LRRC31: variants seen among roughly 807,000 people sequenced by gnomAD.
LRRC31 encodes the protein leucine-rich repeat-containing protein 31.
A neutral mutation model predicts 46.7 loss-of-function variants in LRRC31; 35 were observed. That is an observed-to-expected ratio of 0.75 (90% CI 0.57 to 0.99). LRRC31 has a LOEUF of 0.99. Among genes scored for constraint, LRRC31 ranks in the 50% least tolerant of loss-of-function variants. The pLI, the probability that LRRC31 is intolerant of heterozygous loss-of-function variation, is 0.00. For missense variants in LRRC31, 613 were observed against 626.1 expected, an observed-to-expected ratio of 0.98 and a Z score of 0.22; for synonymous variants, 236 against 235.1, an observed-to-expected ratio of 1.00 and a Z score of -0.03.
At chr3:169,848,324 G>T in intron 7 of LRRC31, 37 bp from the exon 8 acceptor site, 1 of 1,592,432 alleles carries the variant, frequency 6.3e-7, no homozygotes, top group Non-Finnish European at 8.6e-7. Flanking sequence ...AGTAATTTAG[G>T]ATTTCTTACA....
intron 1 of LRRC31, among the ~76,000 whole-genome samples, chr3:169,868,757 T>C (rs1781405291): frequency 6.6e-6 from 1 of 152,212 alleles, no homozygotes; most frequent in African/African-American, 2.4e-5. Context: ...ATTTAAAGCA[T>C]GTAAGTAACA....
At chr3:169,860,440 C>A (rs999050164) in intron 3 of LRRC31, 121 bp downstream of exon 3, 40 of 988,722 alleles carry the variant, frequency 4.0e-5, no homozygotes, top group Non-Finnish European at 5.1e-5. Flanking sequence ...GTTGCCCAGG[C>A]TGTTCTCGAA....
rs753523596 is a variant in LRRC31, at chr3:169,860,528, G to A, written c.487+33C>T. On this transcript the variant is annotated intron_variant, in intron 3 of 8. Transcript: ENST00000316428. ...CAGCTGTGAGCCACGGCGCCCGGCC[G>A]AATCCATCTTTTAAGAAATGCATTC... The A allele has an allele frequency of 2.5e-6, 4 of 1,611,418 alleles. No individual in the cohort carries two copies. The South Asian group carries it at 4.4e-5, about 18-fold the overall frequency.
intron 6 of LRRC31, 122 bp downstream of exon 6, chr3:169,854,691 G>T (rs188870563): frequency 5.2e-4 from 398 of 759,462 alleles, no homozygotes; most frequent in Admixed American, 1.4e-3. Context: ...GAACTGTTAT[G>T]AATTGATCTT....
chr3:169,844,177 C>G (rs1307259494), intron 8 of LRRC31, among the ~76,000 whole-genome samples: 2 of 152,078 alleles, frequency 1.3e-5, no homozygotes, highest in Admixed American at 6.6e-5. Context: ...ACTATTATCC[C>G]CTTGTGAACA....
At chr3:169,863,541 A>G (rs1781237486) in intron 1 of LRRC31, among the ~76,000 whole-genome samples, 3 of 152,216 alleles carry the variant, frequency 2.0e-5, no homozygotes, top group Admixed American at 1.3e-4. Flanking sequence ...GTTTGGTCTA[A>G]GAAAACCACA....
intron 6 of LRRC31, among the ~76,000 whole-genome samples, chr3:169,853,002 A>C (rs1323576752): frequency 6.6e-6 from 1 of 152,236 alleles, no homozygotes; most frequent in Non-Finnish European, 1.5e-5. Flanking sequence ...AGGGGAAAGA[A>C]AGGGGAAAGG....
chr3:169,863,496 T>C (rs1413794574), intron 1 of LRRC31, among the ~76,000 whole-genome samples: 1 of 152,210 alleles, frequency 6.6e-6, no homozygotes, highest in Non-Finnish European at 1.5e-5. Flanking sequence ...TAATAAAAAC[T>C]ACACCTGTAA....
At chr3:169,849,510 A>G (rs1329776529) in intron 7 of LRRC31, among the ~76,000 whole-genome samples, 1 of 152,210 alleles carries the variant, frequency 6.6e-6, no homozygotes, top group East Asian at 1.9e-4. Flanking sequence ...TCTACCAAAA[A>G]TACAAAAATT....
intron 3 of LRRC31, 134 bp downstream of exon 3, chr3:169,860,427 C>T: frequency 1.1e-6 from 1 of 882,650 alleles, no homozygotes; most frequent in Non-Finnish European, 1.8e-6. Flanking sequence ...AGGGTTTCAC[C>T]ATGTTGCCCA....
intron 8 of LRRC31, among the ~76,000 whole-genome samples, chr3:169,843,579 A>G (rs531759426): frequency 2.7e-4 from 41 of 152,336 alleles, no homozygotes; most frequent in African/African-American, 9.6e-4. Context: ...CACCACTACA[A>G]TATACGCATG....
At position 169,854,805 on chromosome 3, in the gene LRRC31, A is replaced by G. The variant is rs1429839771; in HGVS notation, c.991+8T>C. On this transcript the variant is annotated splice_region_variant and intron_variant, in intron 6 of 8. Transcript: ENST00000316428. ...AAGTCTTTCCTTTGCTCTGCAATAT[A>G]TACTTACTCAGTGACATCACGTCAT... 6.2e-7 allele frequency: 1 copy of G among 1,605,302 alleles called. No individual in the cohort carries two copies. The highest frequency in any genetic ancestry group is 1.1e-5 in the South Asian group (1 of 90,774).
Position 169,839,309 on chromosome 3 carries a change from T to C in LRRC31, c.*673A>G, listed in dbSNP as rs1198140614. 8.5e-5 allele frequency: 13 copies of C among 152,258 alleles called. 1 individual carries two copies. Among genetic ancestry groups the C allele is most frequent in the Admixed American group, 8.5e-4 (13 of 15,286 alleles). 9.4% of individuals were successfully genotyped at this position (152,258 alleles called of 1,614,324 possible). A position where few individuals can be genotyped will look rare whatever the true frequency, so the allele number is the denominator to read the frequency against. On this transcript the variant is annotated 3_prime_UTR_variant, in exon 9 of 9. Transcript: ENST00000316428. ...AAGATATGTTTTTCATACTGAGTTT[T>C]AGATTTTTAATCACTTTTTACTAAG...
intron 3 of LRRC31, among the ~76,000 whole-genome samples, chr3:169,859,531 T>G (rs1261965660): frequency 6.6e-6 from 1 of 152,106 alleles, no homozygotes; most frequent in Non-Finnish European, 1.5e-5. Flanking sequence ...ATAAGAAACT[T>G]TACATCAAAA....
chr3:169,847,275 G>A (rs528919115), intron 8 of LRRC31, among the ~76,000 whole-genome samples: 58 of 152,218 alleles, frequency 3.8e-4, no homozygotes, highest in South Asian at 2.9e-3. Flanking sequence ...AACCTCGGCC[G>A]CCCAGGTTCA....
chr3:169,849,913 G>A (rs1780705485), intron 7 of LRRC31, among the ~76,000 whole-genome samples: 1 of 152,242 alleles, frequency 6.6e-6, no homozygotes, highest in South Asian at 2.1e-4. Context: ...TATTAGCTAA[G>A]GGCCAGCCTT....
Position 169,864,257 on chromosome 3 carries a change from G to A in LRRC31, c.176-2444C>T, listed in dbSNP as rs1463341178. Among the ~76,000 whole-genome samples the A allele has an allele frequency of 2.6e-5, 4 of 151,946 alleles. No homozygotes were observed. In the East Asian group the frequency reaches 7.7e-4, roughly 29 times the overall value. On this transcript the variant is annotated intron_variant, in intron 1 of 8. Coordinates refer to ENST00000316428, the MANE Select transcript of LRRC31 (RefSeq NM_024727.4). The stretch of plus-strand genomic sequence containing the variant: ...CCCAACTCCTTCCCCACATTTACAA[G>A]CTAACCCTCTACCTTCTGGTTGCTA...
Position 169,856,887 on chromosome 3 carries a change from C to T in LRRC31, c.488-15G>A, listed in dbSNP as rs778645438. 1.3e-6 allele frequency: 2 copies of T among 1,590,954 alleles called. No individual in the cohort carries two copies. The highest frequency in any genetic ancestry group is 1.4e-5 in the African/African-American group (1 of 74,018). On this transcript the variant is annotated splice_polypyrimidine_tract_variant and intron_variant, in intron 3 of 8. Transcript: ENST00000316428. ...AAATGCTTCTCCTGTTAACAAATGGCCCGAAAATTCTGTTGGTCACTAGTC... is the reference window on the plus strand; with the variant it reads ...AAATGCTTCTCCTGTTAACAAATGGTCCGAAAATTCTGTTGGTCACTAGTC...
At chr3:169,853,365 C>T in intron 6 of LRRC31, 1 of 985,354 alleles carries the variant, frequency 1.0e-6, no homozygotes, top group Non-Finnish European at 1.2e-6. Flanking sequence ...AGAAGGAAAG[C>T]AATGCAATTC....
Sources: allele counts gnomAD v4.1 joint callset (sites outside exome capture counted in the v4.1 genomes callset), GRCh38; gene constraint gnomAD v4.1.1; transcripts MANE v1.5; gene names NCBI Gene and HGNC (gene_info 2026-07-23, HGNC 2026-07-21).